CPZ: variants seen among roughly 807,000 people sequenced by gnomAD.
The protein encoded by CPZ is carboxypeptidase Z.
A neutral mutation model predicts 61.8 loss-of-function variants in CPZ; 103 were observed. That is an observed-to-expected ratio of 1.67 (90% CI 1.42 to 1.96). The LOEUF (loss-of-function observed/expected upper bound fraction) is 1.96, where lower values mean the gene tolerates loss of function less well. Among genes scored for constraint, CPZ ranks in the 30% most tolerant of loss-of-function variants. The pLI is 0.00. For synonymous variants in CPZ, 551 were observed against 373.7 expected (o/e 1.47, Z -5.47); for missense variants, 1,461 against 914.9 (o/e 1.60, Z -7.70).
Position 8,618,510 on chromosome 4 carries a change from C to A in CPZ, c.1585C>A (p.Arg529Ser), listed in dbSNP as rs200918270. Reference protein sequence around the residue: ...KNARISVKGIRHDITTAPDGD... With the variant: ...KNARISVKGISHDITTAPDGD... ...CGCCCGGATCTCAGTCAAAGGCATT[C>A]GCCACGACATCACCACAGGTGAGCA... The change falls in exon 10 of 11, where the codon CGC becomes AGC. Residue 529 changes from arginine to serine, a missense_variant. Arg to Ser is a moderately radical substitution (Grantham distance 110). Transcript: ENST00000360986. The A allele has an allele frequency of 6.2e-7, 1 of 1,613,922 alleles. No homozygotes were observed. The highest frequency in any genetic ancestry group is 8.5e-7 in the Non-Finnish European group (1 of 1,180,018).
intron 4 of CPZ, among the ~76,000 whole-genome samples, chr4:8,604,583 G>A (rs111991793): frequency 0.15 from 22,097 of 152,208 alleles, 2,053 homozygotes; most frequent in African/African-American, 0.26. Context: ...CTGGGTTCAA[G>A]CAATTCTCCT....
rs1400205805 is a variant in CPZ, at chr4:8,595,872, G to C, written c.88+2951G>C. On this transcript the variant is annotated intron_variant, in intron 1 of 10. Transcript: ENST00000360986. The stretch of plus-strand genomic sequence containing the variant: ...AGATTTGGGCAGAGACAGACACAGG[G>C]ACAAAGTTCACACATGACAACAGAG... Among the ~76,000 whole-genome samples the C allele has an allele frequency of 2.0e-5, 3 of 152,266 alleles. No individual in the cohort carries two copies. In the East Asian group the frequency reaches 5.8e-4, roughly 29 times the overall value.
At chr4:8,617,894 G>C (rs1044647000) in intron 9 of CPZ, among the ~76,000 whole-genome samples, 2 of 152,158 alleles carry the variant, frequency 1.3e-5, no homozygotes, top group Non-Finnish European at 2.9e-5. Context: ...GGCGTGCAGG[G>C]AGCTTGTGTG....
In CPZ at chr4:8,614,325, C is replaced by T. The variant is rs191952836; in HGVS notation, c.1364-34C>T. ...GTCCCGGCTGTCTCTGTGCGGCTGA[C>T]ACCCCTGACGTCCCCGCTGTCTCTG... On this transcript the variant is annotated intron_variant, in intron 8 of 10. Transcript: ENST00000360986. 192 of 1,599,436 alleles carry T rather than the reference C, an allele frequency of 1.2e-4. 1 individual carries two copies. The African/African-American group carries it at 2.2e-3, about 19-fold the overall frequency.
intron 7 of CPZ, among the ~76,000 whole-genome samples, chr4:8,609,113 CACTCCCTCACTCATTCACTCATTT>C (rs1163815196): frequency 1.4e-4 from 2 of 14,204 alleles, no homozygotes; most frequent in African/African-American, 6.5e-4. Flanking sequence ...CTCCCTTCCT[CACTCCCTCACTCATTCACTCATTT>C]ACTCATTCAC....
At chr4:8,609,330 T>TTTTCACTCACTC (rs1715440726) in intron 7 of CPZ, among the ~76,000 whole-genome samples, 1 of 149,120 alleles carries the variant, frequency 6.7e-6, no homozygotes, top group Admixed American at 6.7e-5. Flanking sequence ...TTCACTCACT[T>TTTTCACTCACTC]TTTCACTCAC....
chr4:8,608,261 C>T (rs1425292098), intron 7 of CPZ, among the ~76,000 whole-genome samples: 2 of 152,074 alleles, frequency 1.3e-5, no homozygotes, highest in South Asian at 2.1e-4. Context: ...GGCCCAGAGT[C>T]GCTCCCCAGG....
At position 8,618,003 on chromosome 4, in the gene CPZ, C is replaced by A. The variant is rs574566723; in HGVS notation, c.1504-426C>A. ...AAACCGCGCTGCTCGAGCGAGGGTC[C>A]GAGCACTGTCCTCGTCCTCTCCCAT... On this transcript the variant is annotated intron_variant, in intron 9 of 10. Transcript: ENST00000360986. 79 of 219,696 alleles carry A rather than the reference C, an allele frequency of 3.6e-4. 1 individual carries two copies. The highest frequency in any genetic ancestry group is 3.1e-3 in the Admixed American group (60 of 19,146). The allele number at this position is 219,696 out of a possible 1,614,324, so 13.6% of individuals were successfully genotyped here. A position where few individuals can be genotyped will look rare whatever the true frequency, so the allele number is the denominator to read the frequency against.
At chr4:8,618,886 C>T (rs1560306375) in intron 10 of CPZ, among the ~76,000 whole-genome samples, 1 of 152,204 alleles carries the variant, frequency 6.6e-6, no homozygotes, top group African/African-American at 2.4e-5. Flanking sequence ...GGTGTCCAGC[C>T]CTGTGCGGGC....
At chr4:8,606,694 G>T in intron 5 of CPZ, 43 bp from the exon 6 acceptor site, 1 of 1,612,548 alleles carries the variant, frequency 6.2e-7, no homozygotes, top group Non-Finnish European at 8.5e-7. Flanking sequence ...AGGAGGGTGG[G>T]GTGTGCTGAC....
At chr4:8,605,512 C>T (rs1230169536) in intron 4 of CPZ, among the ~76,000 whole-genome samples, 2 of 151,270 alleles carry the variant, frequency 1.3e-5, no homozygotes, top group Non-Finnish European at 2.9e-5. Context: ...CCATTATTCA[C>T]TCATCCATCC....
Position 8,607,348 on chromosome 4 carries a change from C to T in CPZ, c.1150C>T (p.Leu384=). The T allele has an allele frequency of 1.2e-6, 2 of 1,614,132 alleles. No homozygotes were observed. The highest frequency in any genetic ancestry group is 1.7e-6 in the Non-Finnish European group (2 of 1,179,994). The change falls in exon 7 of 11, where the codon CTG becomes TTG. Residue 384 remains leucine (L), a synonymous_variant. Transcript: ENST00000360986. ...VLSASLHGGD[L]VVSYPFDFSK... ...CTCAGCCAGCCTTCATGGGGGCGAC[C>T]TGGTGGTGTCCTACCCCTTCGACTT...
At chr4:8,610,431 AAGGGCAGGGAGGAGGGACTGT>A (rs1012429209) in intron 7 of CPZ, among the ~76,000 whole-genome samples, 14 of 152,112 alleles carry the variant, frequency 9.2e-5, no homozygotes, top group South Asian at 2.1e-4. Flanking sequence ...GCCCCAGGGC[AAGGGCAGGGAGGAGGGACTGT>A]AGGGCAGGGA....
At chr4:8,612,977 G>A (rs1400467504) in intron 8 of CPZ, among the ~76,000 whole-genome samples, 1 of 152,200 alleles carries the variant, frequency 6.6e-6, no homozygotes, top group Admixed American at 6.5e-5. Context: ...TTTCTCTCCT[G>A]CTCAATGGTT....
At chr4:8,614,976 T>G (rs1057187195) in intron 9 of CPZ, among the ~76,000 whole-genome samples, 2 of 151,834 alleles carry the variant, frequency 1.3e-5, no homozygotes, top group South Asian at 2.1e-4. Flanking sequence ...GCTGGGGCTG[T>G]GGTGAGGACT....
intron 8 of CPZ, among the ~76,000 whole-genome samples, chr4:8,613,346 G>T (rs1397709934): frequency 6.6e-6 from 1 of 152,190 alleles, no homozygotes; most frequent in African/African-American, 2.4e-5. Flanking sequence ...TGGCCAGGAT[G>T]GTCTTGATCT....
chr4:8,613,591 G>A (rs1715900090), intron 8 of CPZ, among the ~76,000 whole-genome samples: 1 of 152,234 alleles, frequency 6.6e-6, no homozygotes, highest in Non-Finnish European at 1.5e-5. Context: ...ACTTCAGAAG[G>A]GCGTGGGCTC....
intron 7 of CPZ, among the ~76,000 whole-genome samples, chr4:8,608,850 G>A (rs573222717): frequency 6.6e-6 from 1 of 152,304 alleles, no homozygotes; most frequent in Admixed American, 6.5e-5. Context: ...CCAGGGAGCC[G>A]GGTGCAGGGG....
intron 4 of CPZ, among the ~76,000 whole-genome samples, chr4:8,605,342 CCATCCATTTATT>C (rs1479230566): frequency 6.6e-6 from 1 of 151,506 alleles, no homozygotes; most frequent in Non-Finnish European, 1.5e-5. Flanking sequence ...ATCCATCCAT[CCATCCATTTATT>C]CATTCAGCCA....
Sources: allele counts gnomAD v4.1 joint callset (sites outside exome capture counted in the v4.1 genomes callset), GRCh38; gene constraint gnomAD v4.1.1; transcripts MANE v1.5; gene names NCBI Gene and HGNC (gene_info 2026-07-23, HGNC 2026-07-21).